NPAS2: variants seen among roughly 807,000 people sequenced by gnomAD.
NPAS2 encodes neuronal PAS domain protein 2.
A neutral mutation model predicts 107.5 loss-of-function variants in NPAS2; 23 were observed. The observed-to-expected ratio is 0.21, with a 90% CI of 0.15 to 0.30. NPAS2 has a LOEUF of 0.30. Among genes scored for constraint, NPAS2 ranks in the 10% least tolerant of loss-of-function variants. The probability of loss-of-function intolerance (pLI) is 1.00; values close to 1 mark genes in which losing one functional copy is unlikely to be tolerated. For synonymous variants in NPAS2, 403 were observed against 417.5 expected (o/e 0.97, Z 0.42); for missense variants, 756 against 1,043.3 (o/e 0.72, Z 3.79).
chr2:100,990,239 T>C lies in NPAS2; in HGVS notation c.1828-17T>C. 6.2e-7 allele frequency: 1 copy of C among 1,612,514 alleles called. No individual in the cohort carries two copies. Among genetic ancestry groups the C allele is most frequent in the Non-Finnish European group, 8.5e-7 (1 of 1,178,738 alleles). ...TTGAGTCCAAGTCTTACCTTTCTCA[T>C]TGAAATGATGCTCCAGGGTCCAAAG... On this transcript the variant is annotated splice_polypyrimidine_tract_variant and intron_variant, in intron 17 of 20. Transcript: ENST00000335681.
intron 8 of NPAS2, 118 bp downstream of exon 8, chr2:100,964,294 T>C: frequency 1.3e-6 from 1 of 771,702 alleles, no homozygotes; most frequent in Non-Finnish European, 2.3e-6. Flanking sequence ...TCACTGGCTT[T>C]GAAAATCGAA....
intron 1 of NPAS2, among the ~76,000 whole-genome samples, chr2:100,873,988 G>GT (rs149619205): frequency 0.1 from 15,614 of 149,962 alleles, 1,161 homozygotes; most frequent in East Asian, 0.34. Flanking sequence ...TTTGTTTTTT[G>GT]TTTTTTTTTG....
chr2:100,910,068 G>C (rs1682445757), intron 2 of NPAS2, among the ~76,000 whole-genome samples: 1 of 152,128 alleles, frequency 6.6e-6, no homozygotes, highest in Non-Finnish European at 1.5e-5. Flanking sequence ...AGGAGATCCA[G>C]AACCTCTCTG....
At position 100,864,248 on chromosome 2, in the gene NPAS2, T is replaced by C. The variant is rs557176069; in HGVS notation, c.-22-40485T>C. Reference sequence around the variant, plus strand: ...TGTAGAGGAAGAGTGCTCATCTGAATGTCAGAAAAACATTTTGTGGTTATT... The same window carrying C: ...TGTAGAGGAAGAGTGCTCATCTGAACGTCAGAAAAACATTTTGTGGTTATT... On this transcript the variant is annotated intron_variant, in intron 1 of 20. Transcript: ENST00000335681. Among the ~76,000 whole-genome samples, 16 of 152,334 alleles carry C rather than the reference T, an allele frequency of 1.1e-4. No individual in the cohort carries two copies. In the South Asian group the frequency reaches 3.3e-3, roughly 32 times the overall value.
intron 1 of NPAS2, among the ~76,000 whole-genome samples, chr2:100,855,136 A>AT (rs1678476120): frequency 6.6e-6 from 1 of 152,170 alleles, no homozygotes. Context: ...CTCATATTAT[A>AT]TTTCTCTTCA....
In NPAS2 at chr2:100,917,763, C is replaced by T. The variant is rs190991950; in HGVS notation, c.33-7383C>T. Among the ~76,000 whole-genome samples the T allele has an allele frequency of 9.2e-5, 14 of 152,146 alleles. No individual in the cohort carries two copies. The East Asian group carries it at 1.4e-3, about 15-fold the overall frequency. On this transcript the variant is annotated intron_variant, in intron 2 of 20. Transcript: ENST00000335681. ...GACTACCAAACTCACAAAAGATGAA[C>T]GAGAAAACCTAGAGTCCTATAACTA...
chr2:100,869,216 G>A lies in NPAS2; in HGVS notation c.-22-35517G>A, dbSNP rs561133252. ...CTCCCAAAGTTTTGGGATTACAGGC[G>A]TGAGCCACCATGCTTGGTCTAAACA... On this transcript the variant is annotated intron_variant, in intron 1 of 20. Transcript: ENST00000335681. Among the ~76,000 whole-genome samples, 6 of 152,220 alleles carry A rather than the reference G, an allele frequency of 3.9e-5. No individual in the cohort carries two copies. The South Asian group carries it at 6.2e-4, about 16-fold the overall frequency.
In NPAS2 at chr2:100,976,666, C is replaced by CT. The variant is rs1677030262; in HGVS notation, c.1393-1042dup. ...GGCTGTGCACACCCTGCTTGAGAAG[C>CT]TTGGGCGATGCGTTTTATTTTCAAG... On this transcript the variant is annotated intron_variant, in intron 14 of 20. Transcript: ENST00000335681. This position sits in a 1 kb window ranked among gnomAD's most constrained non-coding sequence, Gnocchi z 4.1. 6.6e-6 allele frequency: 1 copy of CT among 152,132 alleles called. No homozygotes were observed. The highest frequency in any genetic ancestry group is 6.6e-5 in the Admixed American group (1 of 15,266). The allele number at this position is 152,132 out of a possible 1,614,324, so 9.4% of individuals were successfully genotyped here.
intron 1 of NPAS2, among the ~76,000 whole-genome samples, chr2:100,825,058 G>A (rs1676290092): frequency 6.6e-6 from 1 of 152,186 alleles, no homozygotes; most frequent in Non-Finnish European, 1.5e-5. Flanking sequence ...TCAATTTGTG[G>A]ACTTTGTTGC....
intron 2 of NPAS2, among the ~76,000 whole-genome samples, chr2:100,915,334 A>C (rs1354781048): frequency 6.6e-6 from 1 of 152,178 alleles, no homozygotes; most frequent in Non-Finnish European, 1.5e-5. Flanking sequence ...GAGGAAGGGC[A>C]GGATAAATAG....
At chr2:100,870,647 C>T (rs1364085326) in intron 1 of NPAS2, among the ~76,000 whole-genome samples, 2 of 152,196 alleles carry the variant, frequency 1.3e-5, no homozygotes, top group Non-Finnish European at 2.9e-5. Flanking sequence ...CTGCCTTGGC[C>T]TCCCAAAGTA....
rs369639437 is a variant in NPAS2 at position 100,968,231 on chromosome 2, C to G, written c.908-50C>G. 8.1e-5 allele frequency: 128 copies of G among 1,573,262 alleles called. No homozygotes were observed. The highest frequency in any genetic ancestry group is 3.9e-4 in the Admixed American group (23 of 58,842). ...TTACAATAACTCTTGGGGAAAAGAT[C>G]ATTTTCATATTAACATTGGTTATAT... On this transcript the variant is annotated intron_variant, in intron 10 of 20. Coordinates refer to ENST00000335681, the MANE Select transcript of NPAS2 (RefSeq NM_002518.4). This position sits in a 1 kb window ranked among gnomAD's most constrained non-coding sequence, Gnocchi z 5.3.
intron 1 of NPAS2, among the ~76,000 whole-genome samples, chr2:100,889,968 G>A (rs2104688292): frequency 6.6e-6 from 1 of 152,192 alleles, no homozygotes; most frequent in East Asian, 1.9e-4. Context: ...TTCGGGGGCG[G>A]GGAGGGATAT....
chr2:100,881,180 C>T (rs1377189523), intron 1 of NPAS2, among the ~76,000 whole-genome samples: 1 of 152,220 alleles, frequency 6.6e-6, no homozygotes, highest in African/African-American at 2.4e-5. Context: ...TCCCTCCCAT[C>T]CTACCTCGGC....
intron 3 of NPAS2, among the ~76,000 whole-genome samples, chr2:100,928,670 A>T (rs1238756289): frequency 6.6e-6 from 1 of 152,214 alleles, no homozygotes; most frequent in Non-Finnish European, 1.5e-5. Flanking sequence ...AAAGCAGAAA[A>T]TTCATGGTAC....
chr2:100,853,360 G>A (rs533591893), intron 1 of NPAS2, among the ~76,000 whole-genome samples: 1 of 152,288 alleles, frequency 6.6e-6, no homozygotes, highest in Non-Finnish European at 1.5e-5. Context: ...TGTGCTCTAC[G>A]ATGGAGTCAA....
intron 3 of NPAS2, among the ~76,000 whole-genome samples, chr2:100,931,747 C>G (rs356645): frequency 0.83 from 125,586 of 152,078 alleles, 52,112 homozygotes; most frequent in East Asian, 1. Flanking sequence ...GCCTCCCAAA[C>G]TGCTGGGATT....
At chr2:100,851,261 C>G (rs1231631738) in intron 1 of NPAS2, among the ~76,000 whole-genome samples, 1 of 152,210 alleles carries the variant, frequency 6.6e-6, no homozygotes, top group African/African-American at 2.4e-5. Flanking sequence ...GAGCTGTACA[C>G]TTAAAAATGG....
intron 3 of NPAS2, among the ~76,000 whole-genome samples, chr2:100,931,737 G>C (rs1236487832): frequency 2.0e-5 from 3 of 152,046 alleles, no homozygotes. Flanking sequence ...GCCCATCTCG[G>C]CCTCCCAAAC....
Sources: allele counts gnomAD v4.1 joint callset (sites outside exome capture counted in the v4.1 genomes callset), GRCh38; gene constraint gnomAD v4.1.1; non-coding constraint Gnocchi (gnomAD v3.1); transcripts MANE v1.5; gene names NCBI Gene and HGNC (gene_info 2026-07-23, HGNC 2026-07-21).